GAGE1: variants seen among roughly 807,000 people sequenced by gnomAD.
The protein encoded by GAGE1 is G antigen 1.
Under a neutral mutation model 5.0 loss-of-function variants are expected in GAGE1, and 5 were observed. That is an observed-to-expected ratio of 1.00 (90% CI 0.52 to 2.11). GAGE1 has a LOEUF of 2.11. GAGE1 is among the 30% of genes most tolerant of loss of function. The probability of loss-of-function intolerance (pLI) is 0.01; values close to 1 mark genes in which losing one functional copy is unlikely to be tolerated. For synonymous variants in GAGE1, 6 were observed against 14.8 expected (o/e 0.40, Z 1.37); for missense variants, 9 against 38.9 (o/e 0.23, Z 2.04).
Position 49,606,109 on chromosome X carries a change from A to G in GAGE1, c.*94A>G, listed in dbSNP as rs1456167845. ...AAAGCTTTACAGCCTTCTGCAAAGA[A>G]GTCTTGTGAATCTTTTGTCAATTTT... is the stretch of plus-strand genomic sequence containing the variant. On this transcript the variant is annotated 3_prime_UTR_variant, in exon 5 of 5. Transcript: ENST00000381700. 19 of 505,143 alleles carry G rather than the reference A, an allele frequency of 3.8e-5. 1 individual carries two copies. Among genetic ancestry groups the G allele is most frequent in the Non-Finnish European group, 5.4e-5 (18 of 333,296 alleles). 41.6% of individuals were successfully genotyped at this position (505,143 alleles called of 1,213,427 possible). A position where few individuals can be genotyped will look rare whatever the true frequency, so the allele number is the denominator to read the frequency against.
chrX:49,603,980 G>A lies in GAGE1; in HGVS notation c.331+187G>A, dbSNP rs781929647. Among the ~76,000 whole-genome samples the A allele has an allele frequency of 2.7e-5, 3 of 113,163 alleles. No individual in the cohort carries two copies. The Admixed American group carries it at 2.8e-4, about 10-fold the overall frequency. On this transcript the variant is annotated intron_variant, in intron 4 of 4. Transcript: ENST00000381700. ...TGATTCTCCTGCCTGAGCCTCTGGC[G>A]GAGCCGGGGTTACAGGCGTGCTCCG...
intron 4 of GAGE1, chrX:49,604,982 T>G (rs782114814): frequency 4.7e-5 from 43 of 912,598 alleles, no homozygotes; most frequent in East Asian, 6.3e-5. Flanking sequence ...TAAAATTTTT[T>G]TTTTCATTTT....
Position 49,607,090 on chromosome X carries a change from C to T in GAGE1, c.*1075C>T, listed in dbSNP as rs2066663591. 9.0e-6 allele frequency: 1 copy of T among 111,353 alleles called. No individual in the cohort carries two copies. The highest frequency in any genetic ancestry group is 3.3e-5 in the African/African-American group (1 of 30,618). The allele number at this position is 111,353 out of a possible 1,213,427, so 9.2% of individuals were successfully genotyped here. On this transcript the variant is annotated 3_prime_UTR_variant, in exon 5 of 5. Coordinates refer to ENST00000381700, the MANE Select transcript of GAGE1 (RefSeq NM_001040663.4). ...GGGCTCAGGCGATCCTCCCACCTCACCCTCCTCAGTAGCTAGGACTATAGG... is the reference window on the plus strand; with the variant it reads ...GGGCTCAGGCGATCCTCCCACCTCATCCTCCTCAGTAGCTAGGACTATAGG...
In GAGE1 at chrX:49,605,033, C is replaced by A. The variant is rs140103468; in HGVS notation, c.332-960C>A. On this transcript the variant is annotated intron_variant, in intron 4 of 4. Transcript: ENST00000381700. ...TCACTATGTTGCCCAGACTGGGATT[C>A]TCTGGCTTTTAATGAACAATTGCTT... is the stretch of plus-strand genomic sequence containing the variant. 3.0e-4 allele frequency: 306 copies of A among 1,018,710 alleles called. 4 individuals are homozygous for A. The South Asian group carries it at 3.4e-3, about 11-fold the overall frequency. 84.0% of individuals were successfully genotyped at this position (1,018,710 alleles called of 1,213,427 possible).
intron 4 of GAGE1, chrX:49,604,858 A>C (rs1281895740): frequency 8.2e-5 from 19 of 232,240 alleles, no homozygotes; most frequent in Middle Eastern, 1.1e-3. Flanking sequence ...CCCAGGGTGG[A>C]GTGCAGTGGT....
chrX:49,605,547 G>A (rs1158422239), intron 4 of GAGE1, among the ~76,000 whole-genome samples: 3 of 111,948 alleles, frequency 2.7e-5, no homozygotes, highest in Non-Finnish European at 5.6e-5. Flanking sequence ...TCACCTTAGC[G>A]TTCTGTTTTT....
chrX:49,605,542 T>G (rs1402455665), intron 4 of GAGE1, among the ~76,000 whole-genome samples: 2 of 112,116 alleles, frequency 1.8e-5, no homozygotes, highest in Non-Finnish European at 3.8e-5. Flanking sequence ...GAGGATCACC[T>G]TAGCGTTCTG....
Position 49,606,063 on chromosome X carries a change from C to A in GAGE1, c.*48C>A. ...CAGGCTGCTCCTATGTTGGAAAATT[C>A]TTCATTGAAGTTCTCCCAATAAAGC... On this transcript the variant is annotated 3_prime_UTR_variant, in exon 5 of 5. Coordinates refer to ENST00000381700, the MANE Select transcript of GAGE1 (RefSeq NM_001040663.4). 1 of 937,155 alleles carries A rather than the reference C, an allele frequency of 1.1e-6. No individual in the cohort carries two copies. The highest frequency in any genetic ancestry group is 2.0e-5 in the African/African-American group (1 of 49,814). 77.2% of individuals were successfully genotyped at this position (937,155 alleles called of 1,213,427 possible).
chrX:49,604,880 T>C (rs781819008), intron 4 of GAGE1: 1 of 270,258 alleles, frequency 3.7e-6, no homozygotes, highest in Admixed American at 4.5e-5. Context: ...TACTTTCAGC[T>C]CACTGCAACC....
At chrX:49,604,843 T>A (rs1557131823) in intron 4 of GAGE1, among the ~76,000 whole-genome samples, 1 of 112,222 alleles carries the variant, frequency 8.9e-6, no homozygotes, top group Non-Finnish European at 1.9e-5. Flanking sequence ...AGTCTCAGTC[T>A]GTCACCCAGG....
In GAGE1 at chrX:49,608,007, G is replaced by T. The variant is rs1380360829; in HGVS notation, c.*1992G>T. 8.9e-6 allele frequency: 1 copy of T among 111,769 alleles called. No individual in the cohort carries two copies. Among genetic ancestry groups the T allele is most frequent in the African/African-American group, 3.2e-5 (1 of 30,779 alleles). The allele number at this position is 111,769 out of a possible 1,213,427, so 9.2% of individuals were successfully genotyped here. Reference sequence around the variant, plus strand: ...GGGGATTTCAATTTCTAAGCTCAAAGCCCTTGCACTTTTCTCAAAGTAAAG... The same window carrying T: ...GGGGATTTCAATTTCTAAGCTCAAATCCCTTGCACTTTTCTCAAAGTAAAG... On this transcript the variant is annotated 3_prime_UTR_variant, in exon 5 of 5. Transcript: ENST00000381700.
rs782576367 is a variant in GAGE1 at position 49,606,746 on chromosome X, A to C, written c.*731A>C. On this transcript the variant is annotated 3_prime_UTR_variant, in exon 5 of 5. Coordinates refer to ENST00000381700, the MANE Select transcript of GAGE1 (RefSeq NM_001040663.4). ...TTTTGAATATATGTTGAATTTCATC[A>C]AACACTGACCTGAGTCATCTTAAAA... The C allele has an allele frequency of 3.6e-5, 4 of 112,177 alleles. No individual in the cohort carries two copies. In the South Asian group the frequency reaches 1.5e-3, roughly 42 times the overall value. The allele number at this position is 112,177 out of a possible 1,213,427, so 9.2% of individuals were successfully genotyped here. A position where few individuals can be genotyped will look rare whatever the true frequency, so the allele number is the denominator to read the frequency against.
chrX:49,603,948 G>T (rs2066632302), intron 4 of GAGE1, among the ~76,000 whole-genome samples, 155 bp downstream of exon 4: 1 of 113,466 alleles, frequency 8.8e-6, no homozygotes, highest in African/African-American at 3.2e-5. Flanking sequence ...TGTCTCCAGG[G>T]TTCAAGTGAT....
At chrX:49,605,650 G>T (rs782533098) in intron 4 of GAGE1, among the ~76,000 whole-genome samples, 40 of 111,626 alleles carry the variant, frequency 3.6e-4, no homozygotes, top group African/African-American at 1.3e-3. Context: ...TGTGGCTCAC[G>T]CCTGTAATCC....
intron 4 of GAGE1, among the ~76,000 whole-genome samples, chrX:49,604,826 G>T (rs1218199654): frequency 6.3e-5 from 7 of 111,813 alleles, no homozygotes; most frequent in African/African-American, 1.6e-4. Flanking sequence ...TTGTTTGTTT[G>T]CGACGGAGTC....
chrX:49,605,276 A>G, intron 4 of GAGE1: 2 of 590,777 alleles, frequency 3.4e-6, no homozygotes, highest in Non-Finnish European at 2.2e-6. Flanking sequence ...ATCTCTAATC[A>G]TATCAAATGT....
chrX:49,606,239 T>G lies in GAGE1; in HGVS notation c.*224T>G. The G allele has an allele frequency of 4.2e-6, 1 of 239,256 alleles. No homozygotes were observed. The highest frequency in any genetic ancestry group is 7.8e-6 in the Non-Finnish European group (1 of 127,895). 19.7% of individuals were successfully genotyped at this position (239,256 alleles called of 1,213,427 possible). On this transcript the variant is annotated 3_prime_UTR_variant, in exon 5 of 5. Transcript: ENST00000381700. ...ATAATTCTCATGTATTGATTTTCTA[T>G]CCAGCAACCTTGTTAAATATGCTTA...
chrX:49,604,480 TGA>T (rs1420371873), intron 4 of GAGE1, among the ~76,000 whole-genome samples: 69 of 112,461 alleles, frequency 6.1e-4, no homozygotes, highest in African/African-American at 2.2e-3. Flanking sequence ...GGTGAGATTC[TGA>T]GTGAGTCCTT....
chrX:49,604,177 G>A (rs1557131589), intron 4 of GAGE1, among the ~76,000 whole-genome samples: 1 of 112,617 alleles, frequency 8.9e-6, no homozygotes. Flanking sequence ...TAGTAAGAGA[G>A]AGTTAACAAT....
Sources: allele counts gnomAD v4.1 joint callset (sites outside exome capture counted in the v4.1 genomes callset), GRCh38; gene constraint gnomAD v4.1.1; transcripts MANE v1.5; gene names NCBI Gene and HGNC (gene_info 2026-07-23, HGNC 2026-07-21).